The following HIVEP1 variants were observed in gnomAD, a reference collection of about 807,000 sequenced individuals.
The protein encoded by HIVEP1 is HIVEP zinc finger 1.
A neutral mutation model predicts 180.0 loss-of-function variants in HIVEP1; 36 were observed. The ratio of observed to expected loss-of-function variants is 0.20; its 90% CI spans 0.15 to 0.26. The LOEUF (loss-of-function observed/expected upper bound fraction) is 0.26, where lower values mean the gene tolerates loss of function less well. Ranked by LOEUF, HIVEP1 falls within the 10% of genes least tolerant of loss-of-function variation. The probability of loss-of-function intolerance (pLI) is 1.00; values close to 1 mark genes in which losing one functional copy is unlikely to be tolerated. For missense variants in HIVEP1, 3,143 were observed against 3,268.7 expected (o/e 0.96, Z 0.94); for synonymous variants, 1,239 against 1,239.0 (o/e 1.00, Z 0.00).
chr6:12,011,068 T>C (rs1452870041), upstream of HIVEP1, among the ~76,000 whole-genome samples: 2 of 152,222 alleles, frequency 1.3e-5, no homozygotes, highest in East Asian at 1.9e-4. Context: ...TGGAATAACC[T>C]TGGCTTTCCT....
chr6:12,075,538 A>C (rs1451958750), intron 2 of HIVEP1, among the ~76,000 whole-genome samples: 1 of 150,578 alleles, frequency 6.6e-6, no homozygotes, highest in Non-Finnish European at 1.5e-5. Flanking sequence ...CACTACAACA[A>C]CACGTGTTGA....
At chr6:12,184,014 TAG>T in the HIVEP1 span, among the ~76,000 whole-genome samples, 1 of 139,648 alleles carries the variant, frequency 7.2e-6, no homozygotes, top group African/African-American at 2.8e-5. Flanking sequence ...GATAGATAGA[TAG>T]ATAGATAGAC....
intron 3 of HIVEP1, among the ~76,000 whole-genome samples, chr6:12,102,072 C>G (rs573877355): frequency 6.6e-6 from 1 of 152,090 alleles, no homozygotes; most frequent in African/African-American, 2.4e-5. Context: ...CATGTATCCA[C>G]CTGATAATAG....
chr6:12,012,633 G>C (rs1442179006), intron 1 of HIVEP1, 67 bp downstream of exon 1: 1 of 146,062 alleles, frequency 6.8e-6, no homozygotes, highest in Admixed American at 6.8e-5. Context: ...GGGGGGGGGG[G>C]GCAGGAGCAC....
chr6:12,075,720 A>G lies in HIVEP1; in HGVS notation c.41-13464A>G, dbSNP rs114719428. Among the ~76,000 whole-genome samples, 628 of 152,026 alleles carry G rather than the reference A, an allele frequency of 4.1e-3. 5 individuals carry two copies. The highest frequency in any genetic ancestry group is 0.014 in the African/African-American group (577 of 41,376). On this transcript the variant is annotated intron_variant, in intron 2 of 8. Transcript: ENST00000379388. ...GCTGGTAGCCAGTCTGGTTGCATTT[A>G]CTACTCTGGCTACTTCCACCCTCCC...
At chr6:12,181,568 G>T in the HIVEP1 span, among the ~76,000 whole-genome samples, 61 of 151,948 alleles carry the variant, frequency 4.0e-4, no homozygotes, top group African/African-American at 1.3e-3. Flanking sequence ...ATGCCACCAT[G>T]CCAGGTGTTT....
chr6:12,128,597 A>G (rs1758232889), intron 4 of HIVEP1, among the ~76,000 whole-genome samples: 1 of 152,164 alleles, frequency 6.6e-6, no homozygotes, highest in South Asian at 2.1e-4. Flanking sequence ...CTTCACCCTG[A>G]GAGCGTCCTT....
chr6:12,160,498 A>G (rs571062182), intron 7 of HIVEP1, among the ~76,000 whole-genome samples: 45 of 152,362 alleles, frequency 3.0e-4, no homozygotes, highest in Non-Finnish European at 5.0e-4. Context: ...GCTAAAGCAC[A>G]AAGTGTGGTT....
Position 12,120,348 on chromosome 6 carries a change from G to A in HIVEP1, c.553G>A (p.Gly185Ser). The A allele has an allele frequency of 6.2e-7, 1 of 1,614,098 alleles. No homozygotes were observed. The highest frequency in any genetic ancestry group is 1.1e-5 in the South Asian group (1 of 91,082). ...TAGCGAATGCATCTCTTCTCATTGT[G>A]GCACTACGTCCCCCTCCTATACAAA... is the stretch of plus-strand genomic sequence containing the variant. ...DNSECISSHCGTTSPSYTNTA... is the reference protein window; with the variant it reads ...DNSECISSHCSTTSPSYTNTA... The change falls in exon 4 of 9, where the codon GGC (glycine) becomes AGC (serine). Residue 185 changes from glycine (G) to serine (S), a missense_variant. Around this residue, in one of 12 missense-constraint regions of HIVEP1, gnomAD observed 306 missense variants for 310.6 expected, o/e 0.99. Coordinates refer to ENST00000379388, the MANE Select transcript of HIVEP1 (RefSeq NM_002114.4).
At chr6:12,151,563 A>G (rs957325810) in intron 7 of HIVEP1, among the ~76,000 whole-genome samples, 56 of 152,336 alleles carry the variant, frequency 3.7e-4, no homozygotes, top group African/African-American at 1.3e-3. Context: ...AATCATATAC[A>G]GTACAAGCGT....
At chr6:12,168,140 C>G (rs28535302), downstream of HIVEP1, among the ~76,000 whole-genome samples, 5 of 30,218 alleles carry the variant, frequency 1.7e-4, no homozygotes, top group East Asian at 1.6e-3. Context: ...ACGTGTATAT[C>G]TATATTATAT....
chr6:12,082,578 A>G (rs776969504), intron 2 of HIVEP1, among the ~76,000 whole-genome samples: 9 of 152,136 alleles, frequency 5.9e-5, no homozygotes, highest in Non-Finnish European at 1.3e-4. Flanking sequence ...CCAGTTATGT[A>G]AGAAAGTGGC....
chr6:12,162,199 G>C (rs1361848128), intron 8 of HIVEP1, among the ~76,000 whole-genome samples: 1 of 135,196 alleles, frequency 7.4e-6, no homozygotes, highest in Non-Finnish European at 1.5e-5. Context: ...ATTTTTATTT[G>C]CTTTTTGAAA....
intron 2 of HIVEP1, among the ~76,000 whole-genome samples, chr6:12,026,972 CCTGA>C (rs1317823884): frequency 6.6e-6 from 1 of 152,172 alleles, no homozygotes; most frequent in Non-Finnish European, 1.5e-5. Context: ...ATCAGTAAAT[CCTGA>C]CTAAATCCAA....
the HIVEP1 span, among the ~76,000 whole-genome samples, chr6:12,172,482 AC>A: frequency 6.6e-6 from 1 of 152,158 alleles, no homozygotes; most frequent in Non-Finnish European, 1.5e-5. Flanking sequence ...TTATTAAGAC[AC>A]CTCAAATTAA....
intron 2 of HIVEP1, among the ~76,000 whole-genome samples, chr6:12,017,419 G>A (rs148087571): frequency 1.8e-4 from 27 of 152,210 alleles, no homozygotes; most frequent in Admixed American, 5.9e-4. Flanking sequence ...ACACCTTTGC[G>A]GTGAGTTTTA....
chr6:12,128,995 G>T (rs1758258757), intron 4 of HIVEP1, among the ~76,000 whole-genome samples: 1 of 152,160 alleles, frequency 6.6e-6, no homozygotes, highest in African/African-American at 2.4e-5. Context: ...AGGATCACTT[G>T]AGGTCAGGAG....
intron 2 of HIVEP1, among the ~76,000 whole-genome samples, chr6:12,061,690 T>C (rs1255423328): frequency 2.0e-5 from 3 of 152,154 alleles, no homozygotes; most frequent in African/African-American, 7.2e-5. Flanking sequence ...AGTATGATCA[T>C]TTTATGGCTT....
intron 7 of HIVEP1, among the ~76,000 whole-genome samples, chr6:12,152,342 G>A (rs959287682): frequency 1.3e-5 from 2 of 152,108 alleles, no homozygotes; most frequent in Admixed American, 6.5e-5. Context: ...TCCCAGGCAA[G>A]GCACTTTTCC....
Sources: gnomAD v4.1 joint callset for allele counts (sites outside exome capture counted in the v4.1 genomes callset) on GRCh38, gnomAD v4.1.1 for gene constraint, gnomAD v4.1.1 regional missense constraint, MANE v1.5 for transcripts, NCBI Gene and HGNC (gene_info 2026-07-23, HGNC 2026-07-21) for gene names.